The following KCNMB2 variants were observed in gnomAD, a reference collection of about 807,000 sequenced individuals.
KCNMB2 encodes the protein potassium calcium-activated channel subfamily M regulatory beta subunit 2.
Under a neutral mutation model 24.5 loss-of-function variants are expected in KCNMB2, and 9 were observed. The observed-to-expected ratio is 0.37, with a 90% CI of 0.22 to 0.64. KCNMB2 has a LOEUF of 0.64. Among genes scored for constraint, KCNMB2 ranks in the 30% least tolerant of loss-of-function variants. The probability of loss-of-function intolerance (pLI) is 0.63; values close to 1 mark genes in which losing one functional copy is unlikely to be tolerated. For missense variants in KCNMB2, 226 were observed against 284.3 expected (o/e 0.79, Z 1.47); for synonymous variants, 109 against 104.4 (o/e 1.04, Z -0.27).
intron 1 of KCNMB2, among the ~76,000 whole-genome samples, chr3:178,567,242 T>C (rs1343484346): frequency 2.0e-5 from 3 of 152,152 alleles, no homozygotes; most frequent in Admixed American, 6.6e-5. Flanking sequence ...TGAGAGTGTG[T>C]GTGTGTGTCT....
In KCNMB2 at chr3:178,649,141, G is replaced by A. The variant is rs191481157; in HGVS notation, c.-68+112430G>A. On this transcript the variant is annotated intron_variant, in intron 1 of 4. Transcript: ENST00000452583. ...CTGCTTTACATTTTGTAAGTAACTT[G>A]TCTTAGTTTTTCATCTTCTGATAAT... Among the ~76,000 whole-genome samples, 7 of 152,096 alleles carry A rather than the reference G, an allele frequency of 4.6e-5. No individual in the cohort carries two copies. The South Asian group carries it at 1.5e-3, about 32-fold the overall frequency.
At chr3:178,651,263 C>T (rs1577072888) in intron 1 of KCNMB2, among the ~76,000 whole-genome samples, 1 of 152,254 alleles carries the variant, frequency 6.6e-6, no homozygotes, top group Non-Finnish European at 1.5e-5. Context: ...GCAAAAATCA[C>T]AAGCATTCCT....
intron 1 of KCNMB2, among the ~76,000 whole-genome samples, chr3:178,591,092 G>C (rs1717653452): frequency 6.6e-6 from 1 of 152,136 alleles, no homozygotes; most frequent in African/African-American, 2.4e-5. Flanking sequence ...CTGCAACGGA[G>C]AGGAAGCTAA....
intron 1 of KCNMB2, among the ~76,000 whole-genome samples, chr3:178,653,702 T>C (rs1720216839): frequency 2.0e-5 from 3 of 152,092 alleles, no homozygotes; most frequent in East Asian, 3.8e-4. Flanking sequence ...TGAATTACAT[T>C]AATATATTAT....
chr3:178,810,018 T>C (rs1714122906), intron 2 of KCNMB2, among the ~76,000 whole-genome samples: 1 of 114,210 alleles, frequency 8.8e-6, no homozygotes, highest in Non-Finnish European at 1.9e-5. Flanking sequence ...TTGTCTGTGC[T>C]TTTTTTTTGA....
intron 1 of KCNMB2, among the ~76,000 whole-genome samples, chr3:178,738,931 T>C (rs1723404566): frequency 6.8e-6 from 1 of 147,574 alleles, no homozygotes; most frequent in African/African-American, 2.5e-5. Flanking sequence ...AATGAATACC[T>C]ACTGAATCAG....
chr3:178,783,888 C>T (rs533030137), intron 1 of KCNMB2, among the ~76,000 whole-genome samples: 62 of 152,156 alleles, frequency 4.1e-4, no homozygotes, highest in Non-Finnish European at 7.5e-4. Flanking sequence ...AAAGGGAATG[C>T]TTCCAGTTTT....
chr3:178,612,422 G>A (rs1432557310), intron 1 of KCNMB2, among the ~76,000 whole-genome samples: 1 of 152,266 alleles, frequency 6.6e-6, no homozygotes, highest in East Asian at 1.9e-4. Flanking sequence ...GGGTGCTGCA[G>A]TGTTGGGTGC....
At chr3:178,579,446 G>A (rs1717117873) in intron 1 of KCNMB2, among the ~76,000 whole-genome samples, 2 of 151,868 alleles carry the variant, frequency 1.3e-5, no homozygotes. Flanking sequence ...ACCCTAAAAT[G>A]ACAATTAAAA....
chr3:178,672,943 A>G (rs1720954554), intron 1 of KCNMB2, among the ~76,000 whole-genome samples: 1 of 152,070 alleles, frequency 6.6e-6, no homozygotes, highest in South Asian at 2.1e-4. Context: ...TTTTCTGACC[A>G]CCACTTTCTG....
chr3:178,716,587 G>A (rs886397656), intron 1 of KCNMB2, among the ~76,000 whole-genome samples: 2 of 151,942 alleles, frequency 1.3e-5, no homozygotes, highest in African/African-American at 2.4e-5. Context: ...GGGATTACAC[G>A]CATGCTCCAC....
At chr3:178,678,756 G>C (rs1721158658) in intron 1 of KCNMB2, among the ~76,000 whole-genome samples, 1 of 152,140 alleles carries the variant, frequency 6.6e-6, no homozygotes, top group Non-Finnish European at 1.5e-5. Context: ...AGTGGTGAAG[G>C]GGAGACCAAC....
chr3:178,583,164 T>C (rs1717277707), intron 1 of KCNMB2, among the ~76,000 whole-genome samples: 1 of 152,180 alleles, frequency 6.6e-6, no homozygotes, highest in South Asian at 2.1e-4. Context: ...ATGGATGAAA[T>C]GGCTACCTAG....
chr3:178,700,338 T>C (rs1465600294), intron 1 of KCNMB2, among the ~76,000 whole-genome samples: 1 of 152,238 alleles, frequency 6.6e-6, no homozygotes, highest in Admixed American at 6.5e-5. Context: ...ATAGGATTTC[T>C]TTAAAATTCC....
chr3:178,587,914 G>A (rs1416081071), intron 1 of KCNMB2, among the ~76,000 whole-genome samples: 7 of 87,338 alleles, frequency 8.0e-5, no homozygotes, highest in South Asian at 4.1e-4. Context: ...AACAGGCCCC[G>A]GTGTGTGATG....
intron 1 of KCNMB2, among the ~76,000 whole-genome samples, chr3:178,544,595 G>T (rs1187818800): frequency 6.6e-6 from 1 of 152,168 alleles, no homozygotes; most frequent in Non-Finnish European, 1.5e-5. Flanking sequence ...ATACTGGACA[G>T]GAGGGCTTTG....
intron 1 of KCNMB2, among the ~76,000 whole-genome samples, chr3:178,765,947 T>C (rs1299085893): frequency 1.3e-5 from 2 of 151,932 alleles, no homozygotes; most frequent in Non-Finnish European, 2.9e-5. Context: ...TATTCCAGAG[T>C]CTACTTTCCT....
intron 1 of KCNMB2, among the ~76,000 whole-genome samples, chr3:178,792,415 TACAC>T (rs1560023649): frequency 6.6e-6 from 1 of 151,874 alleles, no homozygotes; most frequent in Non-Finnish European, 1.5e-5. Flanking sequence ...CTACCACAGA[TACAC>T]AGACAATTAA....
At chr3:178,599,463 G>T (rs1718000129) in intron 1 of KCNMB2, among the ~76,000 whole-genome samples, 1 of 152,108 alleles carries the variant, frequency 6.6e-6, no homozygotes, top group African/African-American at 2.4e-5. Context: ...AAAAGTATGT[G>T]CTATCAAAAC....
Sources: gnomAD v4.1 joint callset for allele counts (sites outside exome capture counted in the v4.1 genomes callset) on GRCh38, gnomAD v4.1.1 for gene constraint, MANE v1.5 for transcripts, NCBI Gene and HGNC (gene_info 2026-07-23, HGNC 2026-07-21) for gene names.